Variants in ANKRD30B observed in about 807,000 individuals in gnomAD.
The protein encoded by ANKRD30B is ankyrin repeat domain-containing protein 30B.
A neutral mutation model predicts 202.2 loss-of-function variants in ANKRD30B; 144 were observed. The observed-to-expected ratio is 0.71, with a 90% confidence interval of 0.62 to 0.82. The LOEUF (loss-of-function observed/expected upper bound fraction) is 0.82. ANKRD30B is among the 40% of genes least tolerant of loss of function. The probability of loss-of-function intolerance (pLI) is 0.00; values close to 1 mark genes in which losing one functional copy is unlikely to be tolerated. For synonymous variants in ANKRD30B, 508 were observed against 561.3 expected (o/e 0.91, Z 1.34); for missense variants, 1,487 against 1,669.1 (o/e 0.89, Z 1.90).
chr18:14,832,659 A>G (rs1971003660), intron 34 of ANKRD30B, among the ~76,000 whole-genome samples: 1 of 152,328 alleles, frequency 6.6e-6, no homozygotes, highest in East Asian at 1.9e-4. Flanking sequence ...ATTTTTATGT[A>G]ATGGAATGTT....
At chr18:14,856,124 C>T, downstream of ANKRD30B, among the ~76,000 whole-genome samples, 1 of 139,848 alleles carries the variant, frequency 7.2e-6, no homozygotes, top group Admixed American at 7.0e-5. Context: ...ACGGGGAGAC[C>T]AGGAAGAGGT....
chr18:14,928,267 C>CA, the ANKRD30B span, among the ~76,000 whole-genome samples: 1 of 152,128 alleles, frequency 6.6e-6, no homozygotes, highest in Non-Finnish European at 1.5e-5. Flanking sequence ...CACGCCTGGC[C>CA]ATGTGATGTT....
At chr18:14,934,908 C>CCA in the ANKRD30B span, among the ~76,000 whole-genome samples, 33,151 of 134,346 alleles carry the variant, frequency 0.25, 3,935 homozygotes, top group Non-Finnish European at 0.28. Flanking sequence ...CCTCCCTCTA[C>CCA]CACACACACA....
chr18:14,753,941 A>T (rs1232218113), intron 3 of ANKRD30B, among the ~76,000 whole-genome samples: 3 of 151,306 alleles, frequency 2.0e-5, no homozygotes, highest in Admixed American at 1.3e-4. Flanking sequence ...ATTAAGTAGC[A>T]ATTACAATAG....
At chr18:14,760,677 T>C in intron 6 of ANKRD30B, 59 bp downstream of exon 6, 3 of 1,270,720 alleles carry the variant, frequency 2.4e-6, no homozygotes, top group Non-Finnish European at 3.3e-6. Flanking sequence ...AGGGAAGTGC[T>C]GATCACAAAA....
At chr18:14,885,101 G>A in the ANKRD30B span, among the ~76,000 whole-genome samples, 1 of 152,082 alleles carries the variant, frequency 6.6e-6, no homozygotes, top group Non-Finnish European at 1.5e-5. Flanking sequence ...CCACAAGTTA[G>A]TCACAGTGGC....
At chr18:14,873,536 A>G in the ANKRD30B span, among the ~76,000 whole-genome samples, 1 of 151,670 alleles carries the variant, frequency 6.6e-6, no homozygotes, top group Admixed American at 6.6e-5. Flanking sequence ...AAAAAAAAAA[A>G]AAAAAAAAAG....
At chr18:14,874,367 G>T in the ANKRD30B span, among the ~76,000 whole-genome samples, 2 of 152,076 alleles carry the variant, frequency 1.3e-5, no homozygotes, top group African/African-American at 4.8e-5. Flanking sequence ...CTTGTGGTTG[G>T]CTGTGACTAA....
At chr18:14,889,365 T>A in the ANKRD30B span, among the ~76,000 whole-genome samples, 2 of 152,160 alleles carry the variant, frequency 1.3e-5, no homozygotes, top group Non-Finnish European at 2.9e-5. Context: ...ACAAGGTTAA[T>A]TTGTTTGTTC....
the ANKRD30B span, among the ~76,000 whole-genome samples, chr18:14,895,698 A>G: frequency 4.6e-5 from 7 of 152,258 alleles, no homozygotes; most frequent in Admixed American, 4.6e-4. Context: ...ATAAAAAGGT[A>G]TTGAGCTGTG....
chr18:14,837,843 G>T (rs1171782278), intron 36 of ANKRD30B, among the ~76,000 whole-genome samples, 167 bp downstream of exon 36: 2 of 152,000 alleles, frequency 1.3e-5, no homozygotes, highest in Non-Finnish European at 2.9e-5. Flanking sequence ...GTGAAATCTC[G>T]TCTCTACTAA....
At chr18:14,824,074 A>G (rs1970567116) in intron 32 of ANKRD30B, among the ~76,000 whole-genome samples, 1 of 151,406 alleles carries the variant, frequency 6.6e-6, no homozygotes, top group African/African-American at 2.4e-5. Context: ...ATTTTCAATA[A>G]ATAGTTGTAC....
chr18:14,799,660 C>A (rs1414538426), intron 22 of ANKRD30B, among the ~76,000 whole-genome samples: 3 of 152,042 alleles, frequency 2.0e-5, no homozygotes, highest in Non-Finnish European at 4.4e-5. Flanking sequence ...AGGAAAGTTT[C>A]ACTTGCTGAG....
chr18:14,792,773 A>T (rs1314155879), intron 16 of ANKRD30B, among the ~76,000 whole-genome samples: 8 of 151,774 alleles, frequency 5.3e-5, no homozygotes, highest in Non-Finnish European at 1.0e-4. Flanking sequence ...TGATATTCAC[A>T]GTTTGAATAA....
At chr18:14,933,482 T>A in the ANKRD30B span, among the ~76,000 whole-genome samples, 1 of 151,742 alleles carries the variant, frequency 6.6e-6, no homozygotes, top group African/African-American at 2.4e-5. Context: ...AGGTGGGAGC[T>A]GGGACTGCAG....
chr18:14,797,100 G>T (rs527975209), intron 18 of ANKRD30B, among the ~76,000 whole-genome samples: 20 of 152,242 alleles, frequency 1.3e-4, no homozygotes, highest in East Asian at 1.9e-4. Context: ...AGACAACTGG[G>T]TAGACCAGAA....
chr18:14,921,548 C>A, the ANKRD30B span, among the ~76,000 whole-genome samples: 41 of 139,416 alleles, frequency 2.9e-4, no homozygotes, highest in South Asian at 0.01. Flanking sequence ...AGGGTAGAAT[C>A]TATGTAGTAA....
At chr18:14,934,949 C>CACACACA in the ANKRD30B span, among the ~76,000 whole-genome samples, 1 of 142,978 alleles carries the variant, frequency 7.0e-6, no homozygotes, top group Non-Finnish European at 1.5e-5. Flanking sequence ...CACACACACA[C>CACACACA]CCCATCGTGT....
In ANKRD30B at chr18:14,807,231, A is replaced by T. The variant is rs1292296762; in HGVS notation, c.2285-1320A>T. ...ATAACAAAGTAGAGAAAAATGAGAG[A>T]TTAAGCATGTTGTATTCATATTATT... is the stretch of plus-strand genomic sequence containing the variant. On this transcript the variant is annotated intron_variant, in intron 24 of 43. Transcript: ENST00000690538. Among the ~76,000 whole-genome samples the T allele has an allele frequency of 3.3e-5, 5 of 151,082 alleles. 1 individual carries two copies. The highest frequency in any genetic ancestry group is 1.2e-4 in the African/African-American group (5 of 40,852).
Sources: allele counts gnomAD v4.1 joint callset (sites outside exome capture counted in the v4.1 genomes callset), GRCh38; gene constraint gnomAD v4.1.1; transcripts MANE v1.5; gene names NCBI Gene and HGNC (gene_info 2026-07-23, HGNC 2026-07-21).